The following SPMAP2L variants were observed in gnomAD, a reference collection of about 807,000 sequenced individuals.
The protein encoded by SPMAP2L is sperm microtubule associated protein 2 like, also known as sperm microtubule associated protein 2-like.
At chr4:56,543,182 C>T in the SPMAP2L span, among the ~76,000 whole-genome samples, 16 of 151,430 alleles carry the variant, frequency 1.1e-4, no homozygotes, top group African/African-American at 1.7e-4. Flanking sequence ...CTCCCGGGTT[C>T]ACGCCATTCT....
chr4:56,605,625 G>A, the SPMAP2L span, among the ~76,000 whole-genome samples: 1 of 152,024 alleles, frequency 6.6e-6, no homozygotes, highest in Non-Finnish European at 1.5e-5. Context: ...AGACTCTCTA[G>A]CTAGGAAAGC....
the SPMAP2L span, among the ~76,000 whole-genome samples, chr4:56,566,941 C>G: frequency 6.5e-4 from 99 of 151,272 alleles, 1 homozygote; most frequent in Middle Eastern, 3.4e-3. Flanking sequence ...GTGATCCGCC[C>G]ACCTTGGCCT....
chr4:56,535,341 A>T, the SPMAP2L span, among the ~76,000 whole-genome samples: 3 of 152,082 alleles, frequency 2.0e-5, no homozygotes, highest in Non-Finnish European at 4.4e-5. Flanking sequence ...CCAGCGCCAC[A>T]CCCTGGGCCT....
chr4:56,574,245 C>A, the SPMAP2L span, among the ~76,000 whole-genome samples: 3 of 151,968 alleles, frequency 2.0e-5, no homozygotes, highest in Non-Finnish European at 4.4e-5. Flanking sequence ...TATAGCGAGC[C>A]CCCATCCGTA....
the SPMAP2L span, among the ~76,000 whole-genome samples, chr4:56,573,353 T>C: frequency 1.3e-4 from 20 of 152,066 alleles, no homozygotes; most frequent in Non-Finnish European, 2.5e-4. Flanking sequence ...ATAAGTATTA[T>C]GGTCAGTACA....
At chr4:56,581,738 C>A in the SPMAP2L span, among the ~76,000 whole-genome samples, 1 of 151,558 alleles carries the variant, frequency 6.6e-6, no homozygotes, top group African/African-American at 2.4e-5. Context: ...TGAATAAGAA[C>A]AAAGTTGGAA....
the SPMAP2L span, chr4:56,596,728 A>G: frequency 7.9e-7 from 1 of 1,261,098 alleles, no homozygotes. Flanking sequence ...GTCACTGGAA[A>G]AGAGAATCTG....
At chr4:56,532,845 C>T in the SPMAP2L span, among the ~76,000 whole-genome samples, 2 of 152,182 alleles carry the variant, frequency 1.3e-5, no homozygotes, top group Non-Finnish European at 2.9e-5. Context: ...GTCCTTCACC[C>T]CATCGTAGGC....
the SPMAP2L span, chr4:56,593,581 T>A: frequency 1.2e-6 from 2 of 1,603,136 alleles, no homozygotes; most frequent in Non-Finnish European, 1.7e-6. Flanking sequence ...CGGGAGAATT[T>A]GGGGTAGACA....
chr4:56,552,797 G>C, the SPMAP2L span, among the ~76,000 whole-genome samples: 1 of 152,076 alleles, frequency 6.6e-6, no homozygotes, highest in Non-Finnish European at 1.5e-5. Context: ...CTGTACATTG[G>C]AATCACCTGG....
the SPMAP2L span, among the ~76,000 whole-genome samples, chr4:56,536,936 G>C: frequency 6.6e-6 from 1 of 152,024 alleles, no homozygotes; most frequent in Non-Finnish European, 1.5e-5. Flanking sequence ...GCTAATTTTT[G>C]TATTTTTAGT....
chr4:56,564,774 T>G, the SPMAP2L span, among the ~76,000 whole-genome samples: 1 of 152,192 alleles, frequency 6.6e-6, no homozygotes, highest in African/African-American at 2.4e-5. Context: ...ACTTGAGACC[T>G]TTCTTATTTT....
At chr4:56,591,139 G>T in the SPMAP2L span, among the ~76,000 whole-genome samples, 1 of 152,136 alleles carries the variant, frequency 6.6e-6, no homozygotes, top group African/African-American at 2.4e-5. Context: ...GGAGGTAATT[G>T]GATCATGAGA....
At chr4:56,565,223 T>C in the SPMAP2L span, among the ~76,000 whole-genome samples, 1 of 152,200 alleles carries the variant, frequency 6.6e-6, no homozygotes, top group South Asian at 2.1e-4. Flanking sequence ...CTTACTGATA[T>C]TCTGTTTACT....
At chr4:56,575,777 C>A in the SPMAP2L span, 1 of 808,694 alleles carries the variant, frequency 1.2e-6, no homozygotes, top group Non-Finnish European at 1.8e-6. Context: ...GGTAAAAAAT[C>A]AAATATTTGC....
the SPMAP2L span, among the ~76,000 whole-genome samples, chr4:56,549,505 A>C: frequency 6.6e-6 from 1 of 152,238 alleles, no homozygotes; most frequent in Non-Finnish European, 1.5e-5. Context: ...TGAAAAAAAG[A>C]AAAGAAAAAA....
At chr4:56,582,819 T>C in the SPMAP2L span, among the ~76,000 whole-genome samples, 1,037 of 152,282 alleles carry the variant, frequency 6.8e-3, 14 homozygotes, top group African/African-American at 0.024. Context: ...ATTCAAATGT[T>C]CATCAATGGA....
At chr4:56,622,936 T>C in the SPMAP2L span, among the ~76,000 whole-genome samples, 1 of 152,024 alleles carries the variant, frequency 6.6e-6, no homozygotes, top group Non-Finnish European at 1.5e-5. Flanking sequence ...TGCTAAGATG[T>C]TGAGTGGTGG....
the SPMAP2L span, among the ~76,000 whole-genome samples, chr4:56,539,815 AG>A: frequency 6.6e-6 from 1 of 152,188 alleles, no homozygotes; most frequent in South Asian, 2.1e-4. Flanking sequence ...CTCTCCCTAA[AG>A]TAGGCACCCT....
Sources: gnomAD v4.1 joint callset for allele counts (sites outside exome capture counted in the v4.1 genomes callset) on GRCh38, gnomAD v4.1.1 for gene constraint, MANE v1.5 for transcripts, NCBI Gene and HGNC (gene_info 2026-07-23, HGNC 2026-07-21) for gene names.